PTPRM: variants seen among roughly 807,000 people sequenced by gnomAD.
The protein encoded by PTPRM is receptor-type tyrosine-protein phosphatase mu.
A neutral mutation model predicts 186.7 loss-of-function variants in PTPRM; 47 were observed. The ratio of observed to expected loss-of-function variants is 0.25; its 90% CI spans 0.20 to 0.32. The LOEUF (loss-of-function observed/expected upper bound fraction) is 0.32, where lower values mean the gene tolerates loss of function less well. PTPRM is among the 10% of genes least tolerant of loss of function. The pLI is 1.00. For synonymous variants in PTPRM, 668 were observed against 674.9 expected (o/e 0.99, Z 0.16); for missense variants, 1,494 against 1,865.0 (o/e 0.80, Z 3.66).
intron 2 of PTPRM, among the ~76,000 whole-genome samples, chr18:7,796,824 A>G (rs556108249): frequency 1.3e-4 from 20 of 152,330 alleles, no homozygotes; most frequent in African/African-American, 4.6e-4. Flanking sequence ...CCAGTGGTGC[A>G]CTGAGCCTGA....
At chr18:8,346,571 G>A in intron 23 of PTPRM, among the ~76,000 whole-genome samples, 1 of 152,176 alleles carries the variant, frequency 6.6e-6, no homozygotes, top group African/African-American at 2.4e-5. Flanking sequence ...TTTGAGTTTT[G>A]GGGGTACACA....
At chr18:7,965,616 G>A (rs185777275) in intron 7 of PTPRM, among the ~76,000 whole-genome samples, 5 of 152,254 alleles carry the variant, frequency 3.3e-5, no homozygotes, top group Admixed American at 2.0e-4. Context: ...GCTGGCCTCA[G>A]AGCGGGCAAA....
At chr18:7,611,223 G>T (rs1349354947) in intron 1 of PTPRM, among the ~76,000 whole-genome samples, 1 of 152,116 alleles carries the variant, frequency 6.6e-6, no homozygotes, top group Non-Finnish European at 1.5e-5. Context: ...AAGCAAAAAT[G>T]CCACAGTAAG....
intron 1 of PTPRM, among the ~76,000 whole-genome samples, chr18:7,750,811 A>G (rs1371277632): frequency 6.6e-6 from 1 of 152,138 alleles, no homozygotes; most frequent in Non-Finnish European, 1.5e-5. Flanking sequence ...TGAACTCCCA[A>G]TGCGGCTATG....
chr18:8,238,494 T>C (rs1262899343), intron 14 of PTPRM, among the ~76,000 whole-genome samples: 1 of 152,084 alleles, frequency 6.6e-6, no homozygotes, highest in Non-Finnish European at 1.5e-5. Flanking sequence ...ACATTACCTA[T>C]CTGTTCTTGC....
chr18:7,895,804 C>T (rs1322039745), intron 3 of PTPRM, among the ~76,000 whole-genome samples: 2 of 152,190 alleles, frequency 1.3e-5, no homozygotes, highest in East Asian at 3.8e-4. Flanking sequence ...TTTTGATAAC[C>T]ATAATAGGTC....
intron 2 of PTPRM, among the ~76,000 whole-genome samples, chr18:7,841,244 G>A (rs146052137): frequency 1.4e-5 from 2 of 146,652 alleles, no homozygotes; most frequent in East Asian, 4.0e-4. Context: ...CTAACTTCAG[G>A]TCAGACAGGT....
chr18:7,594,377 G>A (rs2037200802), intron 1 of PTPRM, among the ~76,000 whole-genome samples: 1 of 151,830 alleles, frequency 6.6e-6, no homozygotes, highest in South Asian at 2.1e-4. Context: ...CTACTGGGGA[G>A]GCTGAGGTGG....
intron 7 of PTPRM, among the ~76,000 whole-genome samples, chr18:8,061,330 T>A (rs1460867246): frequency 7.5e-6 from 1 of 132,850 alleles, no homozygotes; most frequent in Non-Finnish European, 1.6e-5. Context: ...TCCATCCTTT[T>A]ATTTTGAGCC....
intron 1 of PTPRM, among the ~76,000 whole-genome samples, chr18:7,683,534 A>G (rs1263766839): frequency 6.6e-6 from 1 of 152,122 alleles, no homozygotes; most frequent in Non-Finnish European, 1.5e-5. Context: ...AGTGACAAGT[A>G]AAGTATCTTA....
chr18:8,107,665 G>A (rs1395088717), intron 11 of PTPRM, among the ~76,000 whole-genome samples: 1 of 152,106 alleles, frequency 6.6e-6, no homozygotes, highest in Non-Finnish European at 1.5e-5. Context: ...ATATTCCACA[G>A]CAATTTCTGG....
rs2095698227 is a variant in PTPRM at position 8,376,745 on chromosome 18, C to T, written c.3462+148C>T. The T allele has an allele frequency of 7.0e-6, 7 of 999,796 alleles. No homozygotes were observed. The South Asian group carries it at 9.6e-5, about 14-fold the overall frequency. The allele number at this position is 999,796 out of a possible 1,614,324, so 61.9% of individuals were successfully genotyped here. A position where few individuals can be genotyped will look rare whatever the true frequency, so the allele number is the denominator to read the frequency against. On this transcript the variant is annotated intron_variant, in intron 26 of 32. Coordinates refer to ENST00000580170, the MANE Select transcript of PTPRM (RefSeq NM_001105244.2). ...TTCCCTGTTCCTTCCCTCCCTCCCTCCCTTCCCCCTTTTTGTTTTTCCTCT... is the reference window on the plus strand; with the variant it reads ...TTCCCTGTTCCTTCCCTCCCTCCCTTCCTTCCCCCTTTTTGTTTTTCCTCT...
At chr18:8,332,107 A>G (rs184583983) in intron 22 of PTPRM, among the ~76,000 whole-genome samples, 2 of 152,378 alleles carry the variant, frequency 1.3e-5, no homozygotes, top group African/African-American at 4.8e-5. Context: ...TCTTAGGAAG[A>G]AAATGGCTAT....
At chr18:7,604,008 A>C (rs2037469639) in intron 1 of PTPRM, among the ~76,000 whole-genome samples, 1 of 152,236 alleles carries the variant, frequency 6.6e-6, no homozygotes, top group Admixed American at 6.5e-5. Context: ...TTATTTATAA[A>C]ATCATCACAT....
intron 26 of PTPRM, chr18:8,378,026 CCA>C (rs2148495511): frequency 2.6e-6 from 1 of 381,546 alleles, no homozygotes; most frequent in East Asian, 4.1e-5. Context: ...AGGTCTTCAG[CCA>C]CAGTTTTCAT....
chr18:7,679,046 A>G (rs1381540185), intron 1 of PTPRM, among the ~76,000 whole-genome samples: 2 of 152,156 alleles, frequency 1.3e-5, no homozygotes, highest in East Asian at 3.9e-4. Context: ...CCAGCAGTGG[A>G]TGCTCAGATC....
intron 14 of PTPRM, among the ~76,000 whole-genome samples, chr18:8,152,961 CTG>C (rs1435871956): frequency 6.6e-6 from 1 of 152,106 alleles, no homozygotes; most frequent in East Asian, 1.9e-4. Flanking sequence ...CGTGATCCCC[CTG>C]CCTCAGCCTC....
intron 1 of PTPRM, among the ~76,000 whole-genome samples, chr18:7,722,231 A>G (rs549913074): frequency 2.0e-5 from 3 of 152,288 alleles, no homozygotes; most frequent in African/African-American, 7.2e-5. Context: ...CCAGAATGTC[A>G]TATTGTTGGA....
At chr18:7,833,941 G>A (rs1479547571) in intron 2 of PTPRM, among the ~76,000 whole-genome samples, 1 of 152,142 alleles carries the variant, frequency 6.6e-6, no homozygotes, top group East Asian at 1.9e-4. Flanking sequence ...CAATTTGGAT[G>A]TGCTTAATTT....
Sources: gnomAD v4.1 joint callset for allele counts (sites outside exome capture counted in the v4.1 genomes callset) on GRCh38, gnomAD v4.1.1 for gene constraint, MANE v1.5 for transcripts, NCBI Gene and HGNC (gene_info 2026-07-23, HGNC 2026-07-21) for gene names.